The following PDE8B variants were observed in gnomAD, a reference collection of about 807,000 sequenced individuals.
The protein encoded by PDE8B is high affinity cAMP-specific and IBMX-insensitive 3',5'-cyclic phosphodiesterase 8B.
Under a neutral mutation model 101.3 loss-of-function variants are expected in PDE8B, and 26 were observed. The observed-to-expected ratio is 0.26, with a 90% CI of 0.19 to 0.36. The LOEUF is 0.36. PDE8B is among the 10% of genes least tolerant of loss of function. PDE8B has a pLI of 1.00. For synonymous variants in PDE8B, 424 were observed against 429.3 expected (o/e 0.99, Z 0.15); for missense variants, 810 against 1,163.1 (o/e 0.70, Z 4.42).
Position 77,426,569 on chromosome 5 carries a change from G to A in PDE8B, c.*15G>A, listed in dbSNP as rs1402903089. The A allele has an allele frequency of 9.2e-6, 13 of 1,410,370 alleles. No individual in the cohort carries two copies. Among genetic ancestry groups the A allele is most frequent in the Non-Finnish European group, 1.2e-5 (12 of 994,910 alleles). The allele number at this position is 1,410,370 out of a possible 1,614,324, so 87.4% of individuals were successfully genotyped here. A position where few individuals can be genotyped will look rare whatever the true frequency, so the allele number is the denominator to read the frequency against. ...CTGACAGCTAAAGCCAAGCCACAGA[G>A]GGGGCCTCTTGACCGACAAAGGACA... On this transcript the variant is annotated 3_prime_UTR_variant, in exon 22 of 22. Coordinates refer to ENST00000264917, the MANE Select transcript of PDE8B (RefSeq NM_003719.5).
chr5:77,421,505 AC>A (rs1297295600), intron 19 of PDE8B, among the ~76,000 whole-genome samples: 1 of 152,120 alleles, frequency 6.6e-6, no homozygotes, highest in Non-Finnish European at 1.5e-5. Context: ...CAAAATAAAA[AC>A]AAAACTGCTG....
At chr5:77,257,556 T>A (rs1262349177) in intron 1 of PDE8B, among the ~76,000 whole-genome samples, 1 of 152,168 alleles carries the variant, frequency 6.6e-6, no homozygotes, top group South Asian at 2.1e-4. Context: ...CATCTAATAA[T>A]AGGGCTTCAA....
chr5:77,400,104 C>T, intron 10 of PDE8B, 144 bp from the exon 11 acceptor site: 1 of 668,076 alleles, frequency 1.5e-6, no homozygotes, highest in Non-Finnish European at 2.7e-6. Flanking sequence ...TGGTGTATGT[C>T]TTTCATCTGT....
intron 2 of PDE8B, among the ~76,000 whole-genome samples, chr5:77,316,981 T>C (rs1773896337): frequency 6.6e-6 from 1 of 152,198 alleles, no homozygotes; most frequent in Admixed American, 6.5e-5. Flanking sequence ...GAACCAAGGA[T>C]GGCTTCACAT....
chr5:77,418,769 T>G (rs1208320333), intron 18 of PDE8B, among the ~76,000 whole-genome samples: 2 of 152,134 alleles, frequency 1.3e-5, no homozygotes, highest in African/African-American at 4.8e-5. Flanking sequence ...GGAAAATGTA[T>G]CCACCCCCAT....
chr5:77,162,755 A>C, the PDE8B span, among the ~76,000 whole-genome samples: 2 of 152,220 alleles, frequency 1.3e-5, no homozygotes, highest in Non-Finnish European at 2.9e-5. Flanking sequence ...AGCCCATTAC[A>C]ATCTAATAAT....
At chr5:77,225,052 TTAGCAG>T (rs1752039690) in intron 1 of PDE8B, among the ~76,000 whole-genome samples, 1 of 152,154 alleles carries the variant, frequency 6.6e-6, no homozygotes, top group Non-Finnish European at 1.5e-5. Flanking sequence ...CTTGGAGACG[TTAGCAG>T]CCACTGATGA....
intron 17 of PDE8B, among the ~76,000 whole-genome samples, chr5:77,417,114 C>A (rs1192169569): frequency 2.6e-5 from 4 of 152,160 alleles, no homozygotes; most frequent in Non-Finnish European, 5.9e-5. Context: ...AGCCATCAGC[C>A]TCGCATGGCT....
intron 14 of PDE8B, chr5:77,410,728 G>A (rs1265861935): frequency 6.6e-6 from 1 of 152,096 alleles, no homozygotes; most frequent in African/African-American, 2.4e-5. Context: ...TAAGCTCTTG[G>A]CCTAAAGATC....
chr5:77,278,320 T>G (rs1047295874), intron 1 of PDE8B, among the ~76,000 whole-genome samples: 2 of 152,204 alleles, frequency 1.3e-5, no homozygotes, highest in African/African-American at 4.8e-5. Flanking sequence ...TACAAATCCC[T>G]TAGGCCTTAC....
At chr5:77,227,646 A>G (rs1213016262) in intron 1 of PDE8B, among the ~76,000 whole-genome samples, 1 of 152,206 alleles carries the variant, frequency 6.6e-6, no homozygotes, top group East Asian at 1.9e-4. Context: ...GAGGTGGAGT[A>G]TCTTAACTAT....
intron 2 of PDE8B, among the ~76,000 whole-genome samples, chr5:77,313,204 G>A (rs1481891135): frequency 2.6e-5 from 4 of 151,644 alleles, no homozygotes; most frequent in African/African-American, 7.3e-5. Flanking sequence ...GAAAAACCAA[G>A]CAAGGAAATG....
the PDE8B span, among the ~76,000 whole-genome samples, chr5:77,158,804 C>T: frequency 1.3e-5 from 2 of 152,102 alleles, no homozygotes; most frequent in Non-Finnish European, 2.9e-5. Flanking sequence ...AAGACAGATC[C>T]CACTACACCT....
chr5:77,413,696 T>C (rs898054174), intron 17 of PDE8B, among the ~76,000 whole-genome samples: 5 of 152,196 alleles, frequency 3.3e-5, no homozygotes, highest in Non-Finnish European at 7.3e-5. Context: ...TAGATTACAG[T>C]CCAGATATTA....
At chr5:77,155,976 GA>G in the PDE8B span, among the ~76,000 whole-genome samples, 1 of 152,176 alleles carries the variant, frequency 6.6e-6, no homozygotes, top group Non-Finnish European at 1.5e-5. Flanking sequence ...TGTAATGACG[GA>G]AGGGAAAATG....
chr5:77,294,757 A>C (rs1768140394), intron 1 of PDE8B, among the ~76,000 whole-genome samples: 1 of 150,782 alleles, frequency 6.6e-6, no homozygotes, highest in Non-Finnish European at 1.5e-5. Flanking sequence ...AGGAAGAAGA[A>C]AAACACAGAA....
At chr5:77,383,490 C>T (rs541419957) in intron 10 of PDE8B, among the ~76,000 whole-genome samples, 29 of 152,212 alleles carry the variant, frequency 1.9e-4, no homozygotes, top group African/African-American at 6.5e-4. Context: ...TAAATGGCTT[C>T]ACTTTCGACT....
intron 10 of PDE8B, among the ~76,000 whole-genome samples, chr5:77,391,296 CAG>C (rs779222183): frequency 3.3e-5 from 5 of 152,118 alleles, no homozygotes; most frequent in Admixed American, 6.5e-5. Flanking sequence ...TGGGGTGTGA[CAG>C]GGGAAGGTCT....
chr5:77,202,636 AT>A, the PDE8B span, among the ~76,000 whole-genome samples: 228 of 145,816 alleles, frequency 1.6e-3, no homozygotes, highest in African/African-American at 2.6e-3. Context: ...GTTATTAGTA[AT>A]TTTTTTTTTT....
Sources: allele counts gnomAD v4.1 joint callset (sites outside exome capture counted in the v4.1 genomes callset), GRCh38; gene constraint gnomAD v4.1.1; transcripts MANE v1.5; gene names NCBI Gene and HGNC (gene_info 2026-07-23, HGNC 2026-07-21).